TAB2: variants seen among roughly 807,000 people sequenced by gnomAD.
TAB2 encodes the protein TGF-beta-activated kinase 1 and MAP3K7-binding protein 2.
A neutral mutation model predicts 65.0 loss-of-function variants in TAB2; 3 were observed. The observed-to-expected ratio is 0.05, with a 90% CI of 0.02 to 0.12. The LOEUF is 0.12. Ranked by LOEUF, TAB2 falls within the 10% of genes least tolerant of loss-of-function variation. The pLI is 1.00. For synonymous variants in TAB2, 298 were observed against 285.1 expected, an observed-to-expected ratio of 1.05 and a Z score of -0.46; for missense variants, 623 against 840.3, an observed-to-expected ratio of 0.74 and a Z score of 3.20.
intron 1 of TAB2, among the ~76,000 whole-genome samples, chr6:149,328,494 G>A (rs1454684669): frequency 8.5e-5 from 13 of 152,118 alleles, no homozygotes; most frequent in African/African-American, 3.1e-4. Context: ...GGGTTTCACC[G>A]TGTTAGCCAG....
chr6:149,359,320 G>T (rs914246912), intron 1 of TAB2, among the ~76,000 whole-genome samples: 1 of 152,150 alleles, frequency 6.6e-6, no homozygotes, highest in Non-Finnish European at 1.5e-5. Context: ...ACCAGCCTCA[G>T]ACCAATTTTT....
At chr6:149,228,580 C>A (rs761759250) in intron 1 of TAB2, among the ~76,000 whole-genome samples, 1 of 152,202 alleles carries the variant, frequency 6.6e-6, no homozygotes, top group East Asian at 1.9e-4. Flanking sequence ...CAGGGTTCTA[C>A]GTGATAAGCC....
chr6:149,340,337 T>C (rs1024049944), intron 1 of TAB2, among the ~76,000 whole-genome samples: 1 of 152,180 alleles, frequency 6.6e-6, no homozygotes, highest in African/African-American at 2.4e-5. Flanking sequence ...AAAAGAAGTT[T>C]TCAGAAAGAA....
chr6:149,339,184 T>G (rs987319516), intron 1 of TAB2, among the ~76,000 whole-genome samples: 10 of 152,050 alleles, frequency 6.6e-5, no homozygotes, highest in African/African-American at 2.4e-4. Flanking sequence ...GCCAACATGG[T>G]GAAACTTGGC....
At chr6:149,306,557 C>CAAAAAAAAA (rs58001933) in intron 1 of TAB2, among the ~76,000 whole-genome samples, 2 of 108,608 alleles carry the variant, frequency 1.8e-5, no homozygotes, top group Admixed American at 1.0e-4. Context: ...GACTCCGTCT[C>CAAAAAAAAA]AAAAAAAAAA....
At chr6:149,358,640 C>CTGTGTGTGTG (rs370116039) in intron 1 of TAB2, among the ~76,000 whole-genome samples, 1,519 of 121,726 alleles carry the variant, frequency 0.012, 29 homozygotes, top group African/African-American at 0.039. Context: ...CTTCAGAACT[C>CTGTGTGTGTG]TGTGTGTGTG....
intron 2 of TAB2, among the ~76,000 whole-genome samples, chr6:149,375,815 A>G (rs1264362388): frequency 2.6e-5 from 4 of 152,320 alleles, no homozygotes; most frequent in East Asian, 3.9e-4. Flanking sequence ...GTATGTATCA[A>G]TTAAGAGTTA....
intron 6 of TAB2, among the ~76,000 whole-genome samples, chr6:149,403,243 AAAAAATATATATATATATATAT>A (rs1206655627): frequency 1.0e-4 from 5 of 48,958 alleles, no homozygotes; most frequent in African/African-American, 5.0e-4. Context: ...CTAAAAAAAA[AAAAAATATATATATATATATAT>A]ATATATATAT....
At chr6:149,262,979 A>G (rs980441638) in intron 1 of TAB2, among the ~76,000 whole-genome samples, 16 of 151,718 alleles carry the variant, frequency 1.1e-4, no homozygotes, top group African/African-American at 3.9e-4. Flanking sequence ...AATTTTTTTT[A>G]TTTTTTATAG....
chr6:149,323,174 ACTT>A (rs1272099837), intron 1 of TAB2, among the ~76,000 whole-genome samples: 2 of 152,114 alleles, frequency 1.3e-5, no homozygotes, highest in Admixed American at 6.5e-5. Context: ...TGGAATCTCT[ACTT>A]TTAATTTTAA....
rs565379062 is a variant in TAB2, at chr6:149,338,654, A to G, written c.-90+20639A>G. Among the ~76,000 whole-genome samples the G allele has an allele frequency of 4.6e-5, 7 of 152,340 alleles. No homozygotes were observed. The South Asian group carries it at 1.0e-3, about 23-fold the overall frequency. ...TTGGAGTGTAAAATTTCCTTTTAAA[A>G]TGAAACCTAGAAGGAGCTTAACAGC... On this transcript the variant is annotated intron_variant, in intron 1 of 6. Coordinates refer to ENST00000637181, the MANE Select transcript of TAB2 (RefSeq NM_001292034.3).
rs1312671301 is a variant in TAB2 at position 149,378,494 on chromosome 6, A to G, written c.579A>G (p.Thr193=). Residue 193 remains threonine, a synonymous_variant, in exon 3 of 7, where the codon ACA becomes ACG. Transcript: ENST00000637181. ...PNIQTGRNTP[T]SLHIHGVPPP... is the part of the protein sequence containing the mutation. ...TCCAGACTGGTCGTAATACTCCTAC[A>G]TCTTTGCACATACATGGTGTACCTC... 8 of 1,614,092 alleles carry G rather than the reference A, an allele frequency of 5.0e-6. No individual in the cohort carries two copies.
chr6:149,322,560 A>C lies in TAB2; in HGVS notation c.-90+4545A>C, dbSNP rs529548503. Among the ~76,000 whole-genome samples, 4 of 152,242 alleles carry C rather than the reference A, an allele frequency of 2.6e-5. No homozygotes were observed. The East Asian group carries it at 5.8e-4, about 22-fold the overall frequency. ...GGTTTTGCCACTTAGTAGCTTTGCC[A>C]CTAGATTTGGGATCAGTTAAAATTC... On this transcript the variant is annotated intron_variant, in intron 1 of 6. Coordinates refer to ENST00000637181, the MANE Select transcript of TAB2 (RefSeq NM_001292034.3).
At chr6:149,284,600 AT>A (rs1562400010) in intron 1 of TAB2, among the ~76,000 whole-genome samples, 1 of 149,500 alleles carries the variant, frequency 6.7e-6, no homozygotes, top group African/African-American at 2.4e-5. Context: ...ATTAGATCTA[AT>A]TTTCACTCTG....
intron 3 of TAB2, among the ~76,000 whole-genome samples, chr6:149,393,397 C>T (rs1451286025): frequency 2.6e-5 from 4 of 152,170 alleles, no homozygotes; most frequent in Non-Finnish European, 4.4e-5. Flanking sequence ...TCAGCCATTG[C>T]AAAACCCCTT....
At chr6:149,262,242 C>A (rs963825059) in intron 1 of TAB2, among the ~76,000 whole-genome samples, 20 of 152,156 alleles carry the variant, frequency 1.3e-4, no homozygotes, top group African/African-American at 4.8e-4. Flanking sequence ...ACATACAAAT[C>A]TCAAATGCTG....
At chr6:149,366,973 T>G (rs768458687) in intron 1 of TAB2, among the ~76,000 whole-genome samples, 1 of 151,876 alleles carries the variant, frequency 6.6e-6, no homozygotes, top group Non-Finnish European at 1.5e-5. Flanking sequence ...TTTTCAAATC[T>G]AGATCATTTG....
chr6:149,317,555 T>C (rs75407355), upstream of TAB2: 160 of 154,062 alleles, frequency 1.0e-3, no homozygotes, highest in Non-Finnish European at 1.9e-3. The surrounding 1 kb of genome is among the most constrained non-coding windows in gnomAD (Gnocchi z 4.7). Context: ...TGACAGTATT[T>C]TGATTTGGAC....
chr6:149,223,416 T>C (rs1488927226), intron 1 of TAB2, among the ~76,000 whole-genome samples: 2 of 152,230 alleles, frequency 1.3e-5, no homozygotes, highest in Non-Finnish European at 2.9e-5. Flanking sequence ...TGACATGAAA[T>C]GATTCTAAGA....
Sources: gnomAD v4.1 joint callset for allele counts (sites outside exome capture counted in the v4.1 genomes callset) on GRCh38, gnomAD v4.1.1 for gene constraint, Gnocchi (gnomAD v3.1) non-coding constraint, MANE v1.5 for transcripts, NCBI Gene and HGNC (gene_info 2026-07-23, HGNC 2026-07-21) for gene names.